Variants in ANO3 observed in about 807,000 individuals in gnomAD.
The protein encoded by ANO3 is anoctamin 3.
A neutral mutation model predicts 144.8 loss-of-function variants in ANO3; 99 were observed. That is an observed-to-expected ratio of 0.68 (90% CI 0.58 to 0.81). ANO3 has a LOEUF of 0.81. Among genes scored for constraint, ANO3 ranks in the 30% least tolerant of loss-of-function variants. ANO3 has a pLI of 0.00. For missense variants in ANO3, 905 were observed against 1,202.2 expected (o/e 0.75, Z 3.66); for synonymous variants, 414 against 392.6 (o/e 1.05, Z -0.64).
rs1401220981 is a variant in ANO3, at chr11:26,454,712, C to G, written c.314-8318C>G. Among the ~76,000 whole-genome samples the G allele has an allele frequency of 4.6e-5, 7 of 151,092 alleles. No individual in the cohort carries two copies. The East Asian group carries it at 1.2e-3, about 25-fold the overall frequency. ...AATCGATAGAAAAAGAGGGAATCCT[C>G]CCTCATTTTATGAGGCCAGCATCTT... is the stretch of plus-strand genomic sequence containing the variant. On this transcript the variant is annotated intron_variant, in intron 3 of 26. Transcript: ENST00000256737.
chr11:26,644,505 A>T (rs1447937192), intron 23 of ANO3, among the ~76,000 whole-genome samples: 1 of 152,232 alleles, frequency 6.6e-6, no homozygotes, highest in Non-Finnish European at 1.5e-5. Context: ...GAGTATGCAC[A>T]TCTAAATTTT....
At chr11:26,209,473 T>C (rs961608678) in intron 1 of ANO3, among the ~76,000 whole-genome samples, 1 of 152,248 alleles carries the variant, frequency 6.6e-6, no homozygotes, top group Middle Eastern at 3.2e-3. Flanking sequence ...TGTGTCTTTA[T>C]AGTAGAATGA....
chr11:26,267,270 C>G (rs1401899052), intron 1 of ANO3, among the ~76,000 whole-genome samples: 1 of 152,022 alleles, frequency 6.6e-6, no homozygotes, highest in Non-Finnish European at 1.5e-5. Context: ...TTCAAAGACA[C>G]TATTAAGTGT....
At chr11:26,460,494 A>T (rs1407654482) in intron 3 of ANO3, among the ~76,000 whole-genome samples, 1 of 151,916 alleles carries the variant, frequency 6.6e-6, no homozygotes, top group Admixed American at 6.6e-5. Flanking sequence ...GGAGGGCAGT[A>T]AAAAAGAAAA....
chr11:26,277,323 G>T (rs1853579784), intron 1 of ANO3, among the ~76,000 whole-genome samples: 1 of 152,020 alleles, frequency 6.6e-6, no homozygotes, highest in African/African-American at 2.4e-5. Context: ...GGAAAAGATA[G>T]AATTGCCCAC....
chr11:26,332,464 A>C, intron 1 of ANO3, 143 bp downstream of exon 1: 1 of 786,850 alleles, frequency 1.3e-6, no homozygotes. Context: ...AAAAAAATTA[A>C]ATTCCTCTTC....
intron 3 of ANO3, among the ~76,000 whole-genome samples, chr11:26,455,529 A>C (rs1448307082): frequency 6.6e-6 from 1 of 152,184 alleles, no homozygotes; most frequent in Admixed American, 6.6e-5. Context: ...CGTGAAGTAC[A>C]TCTTCAAGGA....
At chr11:26,223,024 G>T (rs1299590882) in intron 1 of ANO3, among the ~76,000 whole-genome samples, 1 of 151,864 alleles carries the variant, frequency 6.6e-6, no homozygotes, top group African/African-American at 2.4e-5. Flanking sequence ...CAGCCTGCTT[G>T]GACTCTTCTG....
chr11:26,468,198 A>C (rs936572703), intron 4 of ANO3, among the ~76,000 whole-genome samples: 13 of 151,924 alleles, frequency 8.6e-5, no homozygotes, highest in Admixed American at 7.2e-4. Context: ...TAAAGAATCC[A>C]TGGCATCCGT....
intron 14 of ANO3, among the ~76,000 whole-genome samples, chr11:26,586,414 T>G (rs927005416): frequency 4.0e-5 from 6 of 150,194 alleles, no homozygotes; most frequent in African/African-American, 1.5e-4. Flanking sequence ...AAATAATTAT[T>G]GTTGAGCAAT....
chr11:26,579,368 T>G (rs891875946), intron 14 of ANO3, among the ~76,000 whole-genome samples: 2 of 152,204 alleles, frequency 1.3e-5, no homozygotes, highest in African/African-American at 4.8e-5. Context: ...GTGTACACTC[T>G]GAGGAAGAAT....
At chr11:26,383,527 T>C (rs187456886) in intron 1 of ANO3, among the ~76,000 whole-genome samples, 2 of 120,130 alleles carry the variant, frequency 1.7e-5, no homozygotes, top group East Asian at 4.0e-4. Flanking sequence ...ATGACAGCAA[T>C]ATATATAATG....
At chr11:26,251,722 T>G (rs1006176142) in intron 1 of ANO3, among the ~76,000 whole-genome samples, 3 of 152,138 alleles carry the variant, frequency 2.0e-5, no homozygotes, top group African/African-American at 7.2e-5. Flanking sequence ...CTTACAATAA[T>G]GGCAGAAGGC....
intron 4 of ANO3, among the ~76,000 whole-genome samples, chr11:26,489,190 C>T (rs1860599286): frequency 7.3e-6 from 1 of 137,014 alleles, no homozygotes; most frequent in Non-Finnish European, 1.6e-5. Flanking sequence ...TGCCCTGTGT[C>T]CCAGCCACTC....
intron 1 of ANO3, among the ~76,000 whole-genome samples, chr11:26,210,814 A>G (rs1468408169): frequency 1.3e-5 from 2 of 151,860 alleles, no homozygotes; most frequent in African/African-American, 4.8e-5. Flanking sequence ...AATGCTTGTG[A>G]TTTTTGCGCA....
At chr11:26,490,748 C>T (rs1015330197) in intron 4 of ANO3, among the ~76,000 whole-genome samples, 3 of 152,232 alleles carry the variant, frequency 2.0e-5, no homozygotes, top group Non-Finnish European at 4.4e-5. Flanking sequence ...TCTCCCCAAA[C>T]CACATCTTCT....
At chr11:26,575,885 G>T (rs1850972737) in intron 14 of ANO3, among the ~76,000 whole-genome samples, 1 of 152,046 alleles carries the variant, frequency 6.6e-6, no homozygotes, top group Non-Finnish European at 1.5e-5. Context: ...TTCCCTTCCA[G>T]TTCTAGCCAA....
intron 3 of ANO3, among the ~76,000 whole-genome samples, chr11:26,448,276 G>A (rs1858781445): frequency 7.1e-6 from 1 of 140,284 alleles, no homozygotes; most frequent in Admixed American, 7.5e-5. Context: ...TCCAGCCTGG[G>A]CAACAAAAGC....
chr11:26,305,267 A>G (rs1358782537), upstream of ANO3, among the ~76,000 whole-genome samples: 1 of 151,846 alleles, frequency 6.6e-6, no homozygotes, highest in Non-Finnish European at 1.5e-5. Flanking sequence ...TCTGGTTTAG[A>G]TGTCTTTATT....
Sources: allele counts gnomAD v4.1 joint callset (sites outside exome capture counted in the v4.1 genomes callset), GRCh38; gene constraint gnomAD v4.1.1; transcripts MANE v1.5; gene names NCBI Gene and HGNC (gene_info 2026-07-23, HGNC 2026-07-21).